Variants in HMGB4 observed in about 807,000 individuals in gnomAD.
HMGB4 encodes the protein high mobility group protein B4.
For synonymous variants in HMGB4, 82 were observed against 84.9 expected (o/e 0.97, Z 0.19); for missense variants, 217 against 220.4 (o/e 0.98, Z 0.10).
upstream of HMGB4, chr1:33,863,214 G>A (rs936447861): frequency 6.6e-6 from 1 of 152,160 alleles, no homozygotes; most frequent in African/African-American, 2.4e-5. Flanking sequence ...GTGTCCAAAG[G>A]CCCCCAGAAT....
chr1:33,864,400 G>A lies in HMGB4; in HGVS notation c.209G>A (p.Arg70Gln), dbSNP rs769598918. 11 of 1,614,068 alleles carry A rather than the reference G, an allele frequency of 6.8e-6. No individual in the cohort carries two copies. The East Asian group carries it at 1.6e-4, about 23-fold the overall frequency. Reference protein sequence around the residue: ...YEALAKLDKARYQEEMMNYVG... With the variant: ...YEALAKLDKAQYQEEMMNYVG... ...GCCCTGGCCAAACTCGACAAAGCCC[G>A]ATACCAGGAAGAAATGATGAATTAT... The change falls in exon 1 of 1, where the codon CGA becomes CAA. Residue 70 changes from arginine to glutamine, a missense_variant. By Grantham distance (43) the Arg-to-Gln change is conservative. Coordinates refer to ENST00000681531, the MANE Select transcript of HMGB4 (RefSeq NM_001379301.1).
At chr1:33,861,885 A>G (rs1224128433), upstream of HMGB4, among the ~76,000 whole-genome samples, 1 of 152,108 alleles carries the variant, frequency 6.6e-6, no homozygotes, top group African/African-American at 2.4e-5. Context: ...GCTCCAAGTG[A>G]CCCTGGGGTG....
chr1:33,863,520 T>C (rs1639706997), upstream of HMGB4: 1 of 152,234 alleles, frequency 6.6e-6, no homozygotes, highest in African/African-American at 2.4e-5. Flanking sequence ...GCCCAAGTGC[T>C]CAGGTTTTAA....
rs780430245 is a variant in HMGB4, at chr1:33,864,760, A to G, written c.*8A>G. The G allele has an allele frequency of 1.3e-6, 2 of 1,590,060 alleles. No homozygotes were observed. The highest frequency in any genetic ancestry group is 1.7e-6 in the Non-Finnish European group (2 of 1,169,574). On this transcript the variant is annotated 3_prime_UTR_variant, in exon 1 of 1. Transcript: ENST00000681531. The stretch of plus-strand genomic sequence containing the variant: ...AGAGTCAGGCAGAGCTGATGGATCC[A>G]GTTTGAAAAAACAAAATGCCATTCA...
At chr1:33,861,520 T>C (rs890439430), upstream of HMGB4, among the ~76,000 whole-genome samples, 3 of 152,190 alleles carry the variant, frequency 2.0e-5, no homozygotes, top group African/African-American at 7.2e-5. Context: ...GGTCTGGTCA[T>C]GCTACTGTCC....
chr1:33,860,500 C>G (rs981957769), upstream of HMGB4: 2 of 152,190 alleles, frequency 1.3e-5, no homozygotes, highest in Admixed American at 6.5e-5. Flanking sequence ...GATTTCCCCG[C>G]TGTAAAGTTA....
chr1:33,861,277 G>A (rs1639478795), upstream of HMGB4: 1 of 152,174 alleles, frequency 6.6e-6, no homozygotes, highest in Admixed American at 6.5e-5. Flanking sequence ...ACGACCCCCA[G>A]CTTGCAGCCT....
chr1:33,863,871 G>T (rs1242377780), upstream of HMGB4: 1 of 235,566 alleles, frequency 4.2e-6, no homozygotes, highest in South Asian at 9.5e-5. Flanking sequence ...GGACATAGCT[G>T]CCTCATAGCC....
rs372946064 is a variant in HMGB4 at position 33,864,152 on chromosome 1, T to C, written c.-40T>C. The C allele has an allele frequency of 7.1e-6, 11 of 1,540,458 alleles. No individual in the cohort carries two copies. The African/African-American group carries it at 1.1e-4, about 15-fold the overall frequency. On this transcript the variant is annotated 5_prime_UTR_variant, in exon 1 of 1. Coordinates refer to ENST00000681531, the MANE Select transcript of HMGB4 (RefSeq NM_001379301.1). The stretch of plus-strand genomic sequence containing the variant: ...AGTGTGGGAACAACAGTCTCTCCTG[T>C]CCACGTTACTGAATCCAGAAAAAAG...
rs998094341 is a variant in HMGB4 at position 33,864,608 on chromosome 1, G to C, written c.417G>C (p.Lys139Asn). The change falls in exon 1 of 1, where the codon AAG becomes AAC. Residue 139 changes from lysine (K) to asparagine (N), a missense_variant. Coordinates refer to ENST00000681531, the MANE Select transcript of HMGB4 (RefSeq NM_001379301.1). ...KMWSTATDLEKHPYEQRVALL... is the reference protein window; with the variant it reads ...KMWSTATDLENHPYEQRVALL... ...GGTCAACAGCGACAGACCTGGAGAA[G>C]CACCCTTATGAGCAAAGAGTGGCTC... 18 of 1,613,894 alleles carry C rather than the reference G, an allele frequency of 1.1e-5. No homozygotes were observed. The highest frequency in any genetic ancestry group is 1.4e-5 in the Non-Finnish European group (17 of 1,180,020).
chr1:33,862,943 C>T (rs916092913), upstream of HMGB4: 2 of 152,328 alleles, frequency 1.3e-5, no homozygotes, highest in South Asian at 2.1e-4. Context: ...AGGCAAGTTT[C>T]CTTGTCCGGC....
At chr1:33,864,031 A>G, upstream of HMGB4, 1 of 655,432 alleles carries the variant, frequency 1.5e-6, no homozygotes, top group East Asian at 2.7e-5. Flanking sequence ...CTCTGACTCA[A>G]CAATGCCATC....
At chr1:33,862,006 T>C (rs1022161484), upstream of HMGB4, among the ~76,000 whole-genome samples, 1 of 152,124 alleles carries the variant, frequency 6.6e-6, no homozygotes, top group Non-Finnish European at 1.5e-5. Flanking sequence ...TCCTCTGATG[T>C]GGCTCATACA....
At chr1:33,863,373 A>G (rs1383038593), upstream of HMGB4, 6 of 152,202 alleles carry the variant, frequency 3.9e-5, no homozygotes, top group South Asian at 4.1e-4. Context: ...CCCTCACATG[A>G]GAGTGGGGAG....
At position 33,864,336 on chromosome 1, in the gene HMGB4, T is replaced by TG. The variant is rs1465476955; in HGVS notation, c.147dup (p.Arg50GlufsTer7). 2 of 1,613,806 alleles carry TG rather than the reference T, an allele frequency of 1.2e-6. No homozygotes were observed. Among genetic ancestry groups the TG allele is most frequent in the Admixed American group, 3.3e-5 (2 of 60,014 alleles). On this transcript the variant is annotated frameshift_variant, in exon 1 of 1. Transcript: ENST00000681531. LOFTEE classifies it low-confidence loss of function (END_TRUNC). Reference sequence around the variant, plus strand: ...GTTCTCTAGAAAGTGTTCGGAAAAATGGAGATCCATCTCAAAGCATGAAAA... The same window carrying TG: ...GTTCTCTAGAAAGTGTTCGGAAAAATGGGAGATCCATCTCAAAGCATGAAAA...
rs182309138 is a variant in HMGB4, at chr1:33,864,298, T to C, written c.107T>C (p.Val36Ala). Residue 36 changes from valine to alanine, a missense_variant, in exon 1 of 1, where the codon GTT (valine) becomes GCT (alanine). Transcript: ENST00000681531. ...AAGGAGCAGCAGCCAAATACCTATG[T>C]TGGCTTTAAAGAGTTCTCTAGAAAG... ...KFKEQQPNTY[V>A]GFKEFSRKCS... 53 of 1,614,028 alleles carry C rather than the reference T, an allele frequency of 3.3e-5. No individual in the cohort carries two copies. The highest frequency in any genetic ancestry group is 1.3e-4 in the Admixed American group (8 of 60,030).
chr1:33,864,154 C>T lies in HMGB4; in HGVS notation c.-38C>T. The T allele has an allele frequency of 6.5e-7, 1 of 1,543,296 alleles. No individual in the cohort carries two copies. Among genetic ancestry groups the T allele is most frequent in the Non-Finnish European group, 8.7e-7 (1 of 1,146,848 alleles). On this transcript the variant is annotated 5_prime_UTR_variant, in exon 1 of 1. Coordinates refer to ENST00000681531, the MANE Select transcript of HMGB4 (RefSeq NM_001379301.1). Reference sequence around the variant, plus strand: ...TGTGGGAACAACAGTCTCTCCTGTCCACGTTACTGAATCCAGAAAAAAGGT... The same window carrying T: ...TGTGGGAACAACAGTCTCTCCTGTCTACGTTACTGAATCCAGAAAAAAGGT...
rs776513953 is a variant in HMGB4, at chr1:33,864,665, A to T, written c.474A>T (p.Glu158Asp). ...GAGCTAAGTACTTCGAGGAACTTGA[A>T]CTCTACCGTAAACAATGTAATGCCA... is the stretch of plus-strand genomic sequence containing the variant. ...LLRAKYFEEL[E>D]LYRKQCNARK... Residue 158 changes from glutamate to aspartate, a missense_variant, in exon 1 of 1, where the codon GAA becomes GAT. Transcript: ENST00000681531. 12 of 1,613,352 alleles carry T rather than the reference A, an allele frequency of 7.4e-6. No homozygotes were observed. The Admixed American group carries it at 8.3e-5, about 11-fold the overall frequency.
At chr1:33,861,949 T>TGTA (rs34482642), upstream of HMGB4, among the ~76,000 whole-genome samples, 5 of 151,878 alleles carry the variant, frequency 3.3e-5, no homozygotes, top group South Asian at 1.0e-3. Context: ...TCTGATCTCC[T>TGTA]GAGGGCCCCA....
Sources: gnomAD v4.1 joint callset for allele counts (sites outside exome capture counted in the v4.1 genomes callset) on GRCh38, gnomAD v4.1.1 for gene constraint, MANE v1.5 for transcripts, NCBI Gene and HGNC (gene_info 2026-07-23, HGNC 2026-07-21) for gene names.